The following RNF144A variants were observed in gnomAD, a reference collection of about 807,000 sequenced individuals.
RNF144A encodes the protein E3 ubiquitin-protein ligase RNF144A.
In RNF144A, 11 loss-of-function variants were observed where a neutral mutation model predicts 38.7. The observed-to-expected ratio is 0.28, with a 90% confidence interval of 0.18 to 0.47. The LOEUF is 0.47. RNF144A is among the 20% of genes least tolerant of loss of function. RNF144A has a pLI of 0.99. For missense variants in RNF144A, 316 were observed against 377.2 expected (o/e 0.84, Z 1.34); for synonymous variants, 149 against 143.9 (o/e 1.04, Z -0.25).
At chr2:6,928,882 CCCATCCT>C (rs1160422828) in intron 1 of RNF144A, among the ~76,000 whole-genome samples, 1 of 152,174 alleles carries the variant, frequency 6.6e-6, no homozygotes, top group East Asian at 1.9e-4. Context: ...CAGAAACTGG[CCCATCCT>C]CTTCCTGCCA....
At chr2:7,019,884 G>C (rs11675248) in intron 5 of RNF144A, among the ~76,000 whole-genome samples, 1 of 152,192 alleles carries the variant, frequency 6.6e-6, no homozygotes, top group East Asian at 1.9e-4. Context: ...GTTTCACTCC[G>C]TAGTTAACTC....
At chr2:7,069,654 A>G (rs754539395), downstream of RNF144A, among the ~76,000 whole-genome samples, 2 of 152,226 alleles carry the variant, frequency 1.3e-5, no homozygotes. Flanking sequence ...CCATTTGTAA[A>G]TAAACACAAG....
intron 2 of RNF144A, among the ~76,000 whole-genome samples, chr2:6,945,917 G>A (rs1423642201): frequency 6.6e-6 from 1 of 152,148 alleles, no homozygotes; most frequent in African/African-American, 2.4e-5. Flanking sequence ...GGGCTGGGGA[G>A]CCCCTTGGAG....
intron 5 of RNF144A, among the ~76,000 whole-genome samples, chr2:7,015,516 G>A (rs1671077984): frequency 6.6e-6 from 1 of 152,144 alleles, no homozygotes; most frequent in Non-Finnish European, 1.5e-5. Flanking sequence ...AGTGTGGCAG[G>A]TGCACACAGA....
chr2:7,067,093 G>A (rs1674264531), intron 6 of RNF144A, among the ~76,000 whole-genome samples: 1 of 152,196 alleles, frequency 6.6e-6, no homozygotes, highest in Non-Finnish European at 1.5e-5. Flanking sequence ...TAAATGGAGA[G>A]AGAGAAATTA....
At chr2:7,044,259 A>C, downstream of RNF144A, 3 of 880,432 alleles carry the variant, frequency 3.4e-6, no homozygotes, top group Non-Finnish European at 4.1e-6. Context: ...TCAGTCTTCA[A>C]TATTTAATCT....
In RNF144A at chr2:7,039,898, C is replaced by G; in HGVS notation, c.*138C>G. The G allele has an allele frequency of 6.9e-7, 1 of 1,443,832 alleles. No homozygotes were observed. Among genetic ancestry groups the G allele is most frequent in the Non-Finnish European group, 9.1e-7 (1 of 1,098,234 alleles). The allele number at this position is 1,443,832 out of a possible 1,614,324, so 89.4% of individuals were successfully genotyped here. A position where few individuals can be genotyped will look rare whatever the true frequency, so the allele number is the denominator to read the frequency against. On this transcript the variant is annotated 3_prime_UTR_variant, in exon 9 of 9. Transcript: ENST00000320892. Reference sequence around the variant, plus strand: ...AGCTTCACAGTGTCAGGCTGGACGCCGTGATTTCAGGGACCTATGTCACAA... The same window carrying G: ...AGCTTCACAGTGTCAGGCTGGACGCGGTGATTTCAGGGACCTATGTCACAA...
intron 1 of RNF144A, among the ~76,000 whole-genome samples, chr2:6,936,470 T>G (rs1056917368): frequency 2.0e-5 from 3 of 152,170 alleles, no homozygotes; most frequent in African/African-American, 7.2e-5. Flanking sequence ...TCACTGACTC[T>G]TTTTTCTCAT....
downstream of RNF144A, among the ~76,000 whole-genome samples, chr2:7,047,329 T>A (rs1558463091): frequency 2.0e-5 from 3 of 152,184 alleles, no homozygotes; most frequent in Non-Finnish European, 4.4e-5. Flanking sequence ...TTAGTCCATT[T>A]TCATGCTGCT....
chr2:6,989,863 C>T lies in RNF144A; in HGVS notation c.-11-7053C>T, dbSNP rs754982309. Among the ~76,000 whole-genome samples the T allele has an allele frequency of 8.0e-4, 121 of 152,006 alleles. 2 individuals are homozygous for T. The highest frequency in any genetic ancestry group is 1.0e-3 in the Non-Finnish European group (70 of 68,022). ...TATAATTAGAATCATACAGTAGATA[C>T]CCTTTTCTTAAAAAAAAGAAGAAAA... On this transcript the variant is annotated intron_variant, in intron 2 of 8. Transcript: ENST00000320892.
intron 1 of RNF144A, among the ~76,000 whole-genome samples, chr2:6,937,634 T>C (rs921944439): frequency 6.6e-6 from 1 of 152,192 alleles, no homozygotes; most frequent in Non-Finnish European, 1.5e-5. Context: ...AGGCAGAGAA[T>C]AGATTTGCAA....
chr2:6,924,078 C>T (rs927573266), intron 1 of RNF144A, among the ~76,000 whole-genome samples: 2 of 152,172 alleles, frequency 1.3e-5, no homozygotes, highest in Non-Finnish European at 2.9e-5. Context: ...CATCATGATC[C>T]GAGTAAACCA....
intron 8 of RNF144A, among the ~76,000 whole-genome samples, chr2:7,036,922 G>A (rs2460407): frequency 0.22 from 33,192 of 152,136 alleles, 4,555 homozygotes; most frequent in Admixed American, 0.31. Flanking sequence ...GCTGTGCATG[G>A]GAACTTAGAA....
chr2:6,980,995 G>A (rs1184595190), intron 2 of RNF144A, among the ~76,000 whole-genome samples: 1 of 152,214 alleles, frequency 6.6e-6, no homozygotes, highest in Non-Finnish European at 1.5e-5. Context: ...CTGAAGCAAT[G>A]GCCTGAGCTG....
intron 1 of RNF144A, among the ~76,000 whole-genome samples, chr2:6,927,992 G>A (rs930624273): frequency 6.6e-6 from 1 of 152,140 alleles, no homozygotes; most frequent in African/African-American, 2.4e-5. Flanking sequence ...CATGGACAGG[G>A]CCCCTCGCCT....
chr2:7,065,852 G>C (rs1189682857), intron 6 of RNF144A, among the ~76,000 whole-genome samples: 1 of 152,214 alleles, frequency 6.6e-6, no homozygotes, highest in Non-Finnish European at 1.5e-5. Context: ...TAAAAATACA[G>C]GCTTCTGCTG....
At chr2:6,967,050 C>T (rs1667709200) in intron 2 of RNF144A, among the ~76,000 whole-genome samples, 1 of 152,144 alleles carries the variant, frequency 6.6e-6, no homozygotes, top group Admixed American at 6.5e-5. Flanking sequence ...ATTTTGGAGA[C>T]AACTTTGTCT....
chr2:7,060,319 G>A (rs6712224), intron 6 of RNF144A, among the ~76,000 whole-genome samples: 14,164 of 150,988 alleles, frequency 0.094, 1,295 homozygotes, highest in East Asian at 0.43. Flanking sequence ...GGCATTCTGC[G>A]TTCCCAGAAA....
chr2:6,989,993 T>C (rs1249992226), intron 2 of RNF144A, among the ~76,000 whole-genome samples: 1 of 152,130 alleles, frequency 6.6e-6, no homozygotes, highest in East Asian at 1.9e-4. Context: ...GCTATTAACA[T>C]CCCATACCAC....
Sources: gnomAD v4.1 joint callset for allele counts (sites outside exome capture counted in the v4.1 genomes callset) on GRCh38, gnomAD v4.1.1 for gene constraint, MANE v1.5 for transcripts, NCBI Gene and HGNC (gene_info 2026-07-23, HGNC 2026-07-21) for gene names.